Variants in SNUPN observed in about 807,000 individuals in gnomAD.
SNUPN encodes snurportin 1, also known as snurportin-1.
A neutral mutation model predicts 39.2 loss-of-function variants in SNUPN; 31 were observed. The ratio of observed to expected loss-of-function variants is 0.79; its 90% CI spans 0.59 to 1.07. The LOEUF (loss-of-function observed/expected upper bound fraction) is 1.07, where lower values mean the gene tolerates loss of function less well. Among genes scored for constraint, SNUPN ranks in the 50% least tolerant of loss-of-function variants. The pLI, the probability that SNUPN is intolerant of heterozygous loss-of-function variation, is 0.00. For missense variants in SNUPN, 382 were observed against 434.2 expected, an observed-to-expected ratio of 0.88 and a Z score of 1.07; for synonymous variants, 132 against 159.0, an observed-to-expected ratio of 0.83 and a Z score of 1.28.
intron 3 of SNUPN, among the ~76,000 whole-genome samples, chr15:75,616,780 G>A (rs1209572411): frequency 6.6e-6 from 1 of 152,206 alleles, no homozygotes; most frequent in East Asian, 1.9e-4. Flanking sequence ...TGGTACCACA[G>A]CCATGTTGGT....
chr15:75,601,253 T>C, intron 7 of SNUPN, 35 bp from the exon 8 acceptor site: 1 of 1,392,424 alleles, frequency 7.2e-7, no homozygotes. Flanking sequence ...ATTAGTACGT[T>C]ATAAATGATA....
rs1330688392 is a variant in SNUPN, at chr15:75,617,533, T to C, written c.178A>G (p.Asn60Asp). ...TCTTCAGCCAGTCTTCTGGCATGGT[T>C]CACATAATCCAGCCGCTTGCTGGAA... ...LQKSKRLDYVNHARRLAEDDW... is the reference protein window; with the variant it reads ...LQKSKRLDYVDHARRLAEDDW... The change falls in exon 3 of 9, where the codon AAC (asparagine) becomes GAC (aspartate). Residue 60 changes from asparagine (N) to aspartate (D), a missense_variant. Physicochemically the swap from Asn to Asp is conservative, Grantham distance 23 (BLOSUM62 1). Transcript: ENST00000308588. 7 of 1,613,680 alleles carry C rather than the reference T, an allele frequency of 4.3e-6. No homozygotes were observed. The highest frequency in any genetic ancestry group is 5.9e-6 in the Non-Finnish European group (7 of 1,179,914).
Position 75,600,903 on chromosome 15 carries a change from G to C in SNUPN, c.759+235C>G, listed in dbSNP as rs774520395. 1.7e-4 allele frequency: 72 copies of C among 428,048 alleles called. 1 individual carries two copies. Among genetic ancestry groups the C allele is most frequent in the Non-Finnish European group, 2.9e-4 (66 of 231,490 alleles). The allele number at this position is 428,048 out of a possible 1,614,324, so 26.5% of individuals were successfully genotyped here. On this transcript the variant is annotated intron_variant, in intron 8 of 8. Coordinates refer to ENST00000308588, the MANE Select transcript of SNUPN (RefSeq NM_005701.4). ...TCAGTTTCTCCATCTGTAAGATGAG[G>C]GAGTTGGACGAGCTGTCCATTAAGG... is the stretch of plus-strand genomic sequence containing the variant.
At chr15:75,606,381 C>A (rs2075331276) in intron 6 of SNUPN, among the ~76,000 whole-genome samples, 1 of 152,082 alleles carries the variant, frequency 6.6e-6, no homozygotes, top group Non-Finnish European at 1.5e-5. Context: ...CACTGGAGGC[C>A]TGTTCACACA....
chr15:75,623,148 A>G (rs1037758946), intron 1 of SNUPN, among the ~76,000 whole-genome samples: 8 of 126,264 alleles, frequency 6.3e-5, no homozygotes, highest in African/African-American at 2.7e-4. Context: ...CATAAAAGAA[A>G]CTTTTTTTTT....
intron 8 of SNUPN, among the ~76,000 whole-genome samples, chr15:75,599,818 C>G (rs912644165): frequency 2.0e-5 from 3 of 151,214 alleles, no homozygotes; most frequent in Admixed American, 2.0e-4. Flanking sequence ...CAAGCAAATG[C>G]TTGCAGTGAC....
chr15:75,607,235 T>C lies in SNUPN; in HGVS notation c.581A>G (p.His194Arg). 6.2e-7 allele frequency: 1 copy of C among 1,613,128 alleles called. No homozygotes were observed. Residue 194 changes from histidine (H) to arginine (R), a missense_variant, in exon 6 of 9, where the codon CAC becomes CGC. His to Arg is a conservative substitution (Grantham distance 29). Transcript: ENST00000308588. ...CCCTACCTGGCAATCATAAAAAGGG[T>C]GTCCCCGCCAGCACATCACATCCAG... Reference protein sequence around the residue: ...YVLDVMCWRGHPFYDCQTDFR... With the variant: ...YVLDVMCWRGRPFYDCQTDFR...
rs764618689 is a variant in SNUPN, at chr15:75,605,242, G to A, written c.601-15C>T. ...CGGAAATCAGTCTGCCACAGAGAAG[G>A]GAAACAGAAAGATGAAATACTTTCC... On this transcript the variant is annotated splice_polypyrimidine_tract_variant and intron_variant, in intron 6 of 8. Coordinates refer to ENST00000308588, the MANE Select transcript of SNUPN (RefSeq NM_005701.4). 1.3e-6 allele frequency: 2 copies of A among 1,575,118 alleles called. No homozygotes were observed. Among genetic ancestry groups the A allele is most frequent in the Admixed American group, 1.7e-5 (1 of 58,078 alleles).
intron 7 of SNUPN, 112 bp downstream of exon 7, chr15:75,605,038 T>C (rs1447890923): frequency 1.4e-6 from 1 of 717,864 alleles, no homozygotes; most frequent in Admixed American, 2.4e-5. Context: ...CTTCCCTTTA[T>C]ACCATGCTGC....
At chr15:75,615,143 T>C (rs1370724435) in intron 3 of SNUPN, among the ~76,000 whole-genome samples, 3 of 152,190 alleles carry the variant, frequency 2.0e-5, no homozygotes, top group Non-Finnish European at 4.4e-5. Flanking sequence ...AAATGGGATC[T>C]TCCTATGCTG....
chr15:75,598,219 T>C lies in SNUPN; in HGVS notation c.*139A>G, dbSNP rs544215784. On this transcript the variant is annotated 3_prime_UTR_variant, in exon 9 of 9. Coordinates refer to ENST00000308588, the MANE Select transcript of SNUPN (RefSeq NM_005701.4). ...CTGTTTGAGCCAGCATTTCAGATTA[T>C]AGATAAGCTGTTTCCAGCTGGACTG... is the stretch of plus-strand genomic sequence containing the variant. 192 of 656,100 alleles carry C rather than the reference T, an allele frequency of 2.9e-4. 1 individual carries two copies. The South Asian group carries it at 3.7e-3, about 13-fold the overall frequency. 40.6% of individuals were successfully genotyped at this position (656,100 alleles called of 1,614,324 possible).
chr15:75,620,076 A>G (rs912124578), intron 2 of SNUPN, among the ~76,000 whole-genome samples: 5 of 152,130 alleles, frequency 3.3e-5, no homozygotes, highest in Non-Finnish European at 7.3e-5. Context: ...ATTTTCAACC[A>G]TACAAATGTA....
intron 3 of SNUPN, among the ~76,000 whole-genome samples, chr15:75,611,338 C>A (rs565451834): frequency 1.5e-3 from 226 of 150,496 alleles, no homozygotes; most frequent in Non-Finnish European, 2.7e-3. Flanking sequence ...CTGCAAGCTG[C>A]GCCTCCCGGG....
At chr15:75,601,762 CAAACT>C (rs2141360648) in intron 7 of SNUPN, among the ~76,000 whole-genome samples, 1 of 152,014 alleles carries the variant, frequency 6.6e-6, no homozygotes, top group East Asian at 1.9e-4. Context: ...CAAACCAAAC[CAAACT>C]AAACCAAGCC....
At chr15:75,619,384 G>A (rs1893014232) in intron 2 of SNUPN, among the ~76,000 whole-genome samples, 1 of 152,034 alleles carries the variant, frequency 6.6e-6, no homozygotes, top group East Asian at 1.9e-4. Context: ...GCTGACGTCT[G>A]AAATCCCAGC....
chr15:75,613,502 A>G (rs1342675603), intron 3 of SNUPN, among the ~76,000 whole-genome samples: 1 of 147,406 alleles, frequency 6.8e-6, no homozygotes, highest in Admixed American at 6.8e-5. Context: ...AATTAGCCGG[A>G]AGTGGTGGCG....
At chr15:75,598,797 C>CA in intron 8 of SNUPN, 116 bp from the exon 9 acceptor site, 1 of 724,552 alleles carries the variant, frequency 1.4e-6, no homozygotes, top group Non-Finnish European at 2.2e-6. Flanking sequence ...GGGTCACTGA[C>CA]AGAGGAAAGA....
intron 1 of SNUPN, chr15:75,622,329 A>T: frequency 1.0e-6 from 1 of 985,330 alleles, no homozygotes; most frequent in Non-Finnish European, 1.2e-6. Context: ...AGGGCTACTT[A>T]TGTGGGACTC....
rs572535262 is a variant in SNUPN, at chr15:75,614,365, G to A, written c.303+3043C>T. 3.2e-4 allele frequency among the ~76,000 whole-genome samples: 49 copies of A among 151,974 alleles called. 1 individual carries two copies. In the South Asian group the frequency reaches 7.5e-3, roughly 23 times the overall value. ...TATTCATAATAGCCAAAAAGTAGGA[G>A]CAACTCAAATAGCCATAAACTGAAG... On this transcript the variant is annotated intron_variant, in intron 3 of 8. Coordinates refer to ENST00000308588, the MANE Select transcript of SNUPN (RefSeq NM_005701.4).
Sources: allele counts gnomAD v4.1 joint callset (sites outside exome capture counted in the v4.1 genomes callset), GRCh38; gene constraint gnomAD v4.1.1; transcripts MANE v1.5; gene names NCBI Gene and HGNC (gene_info 2026-07-23, HGNC 2026-07-21).